Variants in TCTN3 observed in about 807,000 individuals in gnomAD.
The protein encoded by TCTN3 is tectonic family member 3.
In TCTN3, 57 loss-of-function variants were observed where a neutral mutation model predicts 71.3. The observed-to-expected ratio is 0.80, with a 90% confidence interval of 0.65 to 1.00. The LOEUF (loss-of-function observed/expected upper bound fraction) is 1.00, where lower values mean the gene tolerates loss of function less well. Among genes scored for constraint, TCTN3 ranks in the 50% least tolerant of loss-of-function variants. The probability of loss-of-function intolerance (pLI) is 0.00; values close to 1 mark genes in which losing one functional copy is unlikely to be tolerated. For missense variants in TCTN3, 696 were observed against 719.9 expected (o/e 0.97, Z 0.38); for synonymous variants, 258 against 267.8 (o/e 0.96, Z 0.36).
chr10:95,692,386 G>C (rs2097954310), intron 3 of TCTN3, among the ~76,000 whole-genome samples: 1 of 152,060 alleles, frequency 6.6e-6, no homozygotes. Flanking sequence ...CACACCCATA[G>C]TCCCAGCTAC....
intron 13 of TCTN3, among the ~76,000 whole-genome samples, chr10:95,677,486 T>TTTTTTTTTTTTTTTTTTTTTTTTTTC (rs2097938461): frequency 7.5e-6 from 1 of 133,722 alleles, no homozygotes; most frequent in East Asian, 2.6e-4. Context: ...TTTTTTTGTT[T>TTTTTTTTTTTTTTTTTTTTTTTTTTC]TTTTTTTTTT....
At chr10:95,674,444 C>T (rs1375702936) in intron 13 of TCTN3, among the ~76,000 whole-genome samples, 1 of 151,690 alleles carries the variant, frequency 6.6e-6, no homozygotes, top group African/African-American at 2.4e-5. Context: ...GCTAAGAATA[C>T]CATTATTAAT....
chr10:95,693,099 G>A lies in TCTN3; in HGVS notation c.381-61C>T, dbSNP rs1233818847. ...AGGGGCGGGGCAGGTCCAAAAAAGA[G>A]TGTCCCAGCAATATCGGCCAGATGA... On this transcript the variant is annotated intron_variant, in intron 2 of 13. Coordinates refer to ENST00000371217, the MANE Select transcript of TCTN3 (RefSeq NM_015631.6). The A allele has an allele frequency of 5.8e-5, 79 of 1,367,300 alleles. No individual in the cohort carries two copies. The East Asian group carries it at 1.9e-3, about 33-fold the overall frequency. The allele number at this position is 1,367,300 out of a possible 1,614,324, so 84.7% of individuals were successfully genotyped here.
rs779860328 is a variant in TCTN3, at chr10:95,680,585, GA to G, written c.1476del (p.Leu493SerfsTer15). On this transcript the variant is annotated frameshift_variant, in exon 13 of 14. Coordinates refer to ENST00000371217, the MANE Select transcript of TCTN3 (RefSeq NM_015631.6). LOFTEE classifies it high-confidence loss of function. ...SISAINCTSC[C>X]LIPVSLEIQV... ...TGGATCTCCAGGGAAACTGGTATGA[GA>G]CAGCAGGAAGTACAGTTTATAGCCT... 6.2e-7 allele frequency: 1 copy of G among 1,614,098 alleles called. No individual in the cohort carries two copies. Among genetic ancestry groups the G allele is most frequent in the South Asian group, 1.1e-5 (1 of 91,078 alleles).
At position 95,684,507 on chromosome 10, in the gene TCTN3, G is replaced by A. The variant is rs777277759; in HGVS notation, c.1087C>T (p.Arg363Cys). Residue 363 changes from arginine (R) to cysteine (C), a missense_variant, in exon 9 of 14, where the codon CGC becomes TGC. Coordinates refer to ENST00000371217, the MANE Select transcript of TCTN3 (RefSeq NM_015631.6). The part of the protein sequence containing the change: ...GASLQQHFIL[R>C]FRAFQQSTAA... ...AAGAGAAGGGCCCTAACCCTGAAGC[G>A]AAGGATGAAGTGTTGCTGTAAGGAA... The A allele has an allele frequency of 4.8e-5, 78 of 1,613,854 alleles. No homozygotes were observed. Among genetic ancestry groups the A allele is most frequent in the South Asian group, 2.1e-4 (19 of 91,078 alleles).
intron 13 of TCTN3, among the ~76,000 whole-genome samples, chr10:95,665,162 G>A (rs1671636500): frequency 6.6e-6 from 1 of 152,146 alleles, no homozygotes; most frequent in African/African-American, 2.4e-5. Context: ...AGACTGGAGT[G>A]GAGTGGTGCA....
At chr10:95,680,654 G>T in intron 12 of TCTN3, 45 bp from the exon 13 acceptor site, 1 of 1,596,698 alleles carries the variant, frequency 6.3e-7, no homozygotes. Context: ...CCTGATGGTT[G>T]CCTATAGTCA....
rs1024201294 is a variant in TCTN3 at position 95,685,614 on chromosome 10, G to A, written c.911C>T (p.Thr304Ile). 1.3e-6 allele frequency: 2 copies of A among 1,551,244 alleles called. No individual in the cohort carries two copies. Among genetic ancestry groups the A allele is most frequent in the Admixed American group, 2.0e-5 (1 of 50,982 alleles). The change falls in exon 8 of 14, where the codon ACC becomes ATC. Residue 304 changes from threonine (T) to isoleucine (I), a missense_variant. Transcript: ENST00000371217. ...NMEFQVPVIL[T>I]SQANAPLLAG... ...CAACAGAGGAGCATTAGCCTGTGAG[G>A]TAAGTATTACAGGAACCTGGAACTA... is the stretch of plus-strand genomic sequence containing the variant.
In TCTN3 at chr10:95,663,886, T is replaced by A; in HGVS notation, c.*181A>T. ...GCCCAAAGCAGAGAGCTATGATGAA[T>A]AAAATATTTTTATTGCTTTTCTAAA... is the stretch of plus-strand genomic sequence containing the variant. On this transcript the variant is annotated 3_prime_UTR_variant, in exon 14 of 14. Coordinates refer to ENST00000371217, the MANE Select transcript of TCTN3 (RefSeq NM_015631.6). 1 of 592,744 alleles carries A rather than the reference T, an allele frequency of 1.7e-6. No individual in the cohort carries two copies. The highest frequency in any genetic ancestry group is 3.0e-6 in the Non-Finnish European group (1 of 336,364). The allele number at this position is 592,744 out of a possible 1,614,324, so 36.7% of individuals were successfully genotyped here.
chr10:95,684,392 G>T, intron 9 of TCTN3, 107 bp downstream of exon 9: 7 of 1,411,412 alleles, frequency 5.0e-6, no homozygotes, highest in Non-Finnish European at 6.7e-6. Flanking sequence ...GACTGAACTA[G>T]GCCTTCATAT....
intron 13 of TCTN3, among the ~76,000 whole-genome samples, chr10:95,669,495 C>CA (rs1159143972): frequency 6.6e-6 from 1 of 152,160 alleles, no homozygotes; most frequent in African/African-American, 2.4e-5. Context: ...CAAAGCCCTC[C>CA]AAACTCCCAC....
In TCTN3 at chr10:95,693,633, T is replaced by C; in HGVS notation, c.256+11A>G. The C allele has an allele frequency of 6.5e-7, 1 of 1,548,666 alleles. No individual in the cohort carries two copies. Among genetic ancestry groups the C allele is most frequent in the Non-Finnish European group, 8.7e-7 (1 of 1,146,192 alleles). ...GAAGTAAGTTTCCACCCCCACAACG[T>C]TTTCCCTCACCTGGGAAGAGGTCCA... On this transcript the variant is annotated intron_variant, in intron 1 of 13. Coordinates refer to ENST00000371217, the MANE Select transcript of TCTN3 (RefSeq NM_015631.6).
chr10:95,693,279 T>A (rs1055123985), intron 2 of TCTN3, 74 bp downstream of exon 2: 59 of 1,538,836 alleles, frequency 3.8e-5, no homozygotes, highest in Non-Finnish European at 4.9e-5. Context: ...AAAGACTAAC[T>A]CTTCTTACAT....
At chr10:95,671,479 C>G (rs921913815) in intron 13 of TCTN3, among the ~76,000 whole-genome samples, 3 of 152,206 alleles carry the variant, frequency 2.0e-5, no homozygotes, top group Non-Finnish European at 2.9e-5. Flanking sequence ...GAAGTACACC[C>G]TATACATTAC....
intron 3 of TCTN3, among the ~76,000 whole-genome samples, chr10:95,688,334 G>A (rs527866445): frequency 6.9e-6 from 1 of 145,920 alleles, no homozygotes; most frequent in South Asian, 2.2e-4. Context: ...AGGTTGCAGT[G>A]AGCCGAGGTC....
intron 3 of TCTN3, among the ~76,000 whole-genome samples, chr10:95,688,415 A>AAAAAAAAAAAAAG (rs2097950679): frequency 5.6e-5 from 7 of 124,036 alleles, no homozygotes; most frequent in Non-Finnish European, 6.9e-5. Context: ...AAAAAAAAAA[A>AAAAAAAAAAAAAG]AAAGAAAAAA....
intron 11 of TCTN3, 148 bp from the exon 12 acceptor site, chr10:95,682,952 C>T: frequency 8.0e-7 from 1 of 1,255,310 alleles, no homozygotes; most frequent in Non-Finnish European, 1.1e-6. Context: ...TGCCAGAAAA[C>T]TCTTAGCAAT....
At position 95,693,780 on chromosome 10, in the gene TCTN3, T is replaced by C. The variant is rs1243260889; in HGVS notation, c.120A>G (p.Arg40=). 2 of 1,551,642 alleles carry C rather than the reference T, an allele frequency of 1.3e-6. No homozygotes were observed. Among genetic ancestry groups the C allele is most frequent in the Admixed American group, 3.9e-5 (2 of 51,010 alleles). The change falls in exon 1 of 14, where the codon CGA becomes CGG. Residue 40 remains arginine, a synonymous_variant. Transcript: ENST00000371217. ...GAVPTSLELQ[R]GTDGGTLQSP... is the part of the protein sequence containing the mutation. ...ACTGGAGGGTTCCGCCATCCGTCCC[T>C]CGCTGCAGCTCCAAAGACGTGGGCA... is the stretch of plus-strand genomic sequence containing the variant.
intron 13 of TCTN3, 30 bp from the exon 14 acceptor site, chr10:95,664,330 C>T (rs754461169): frequency 3.8e-5 from 61 of 1,585,528 alleles, no homozygotes; most frequent in Admixed American, 1.5e-4. Context: ...GACAGGTCAG[C>T]GCTTGGTACC....
Sources: allele counts gnomAD v4.1 joint callset (sites outside exome capture counted in the v4.1 genomes callset), GRCh38; gene constraint gnomAD v4.1.1; transcripts MANE v1.5; gene names NCBI Gene and HGNC (gene_info 2026-07-23, HGNC 2026-07-21).